POPDC2: variants seen among roughly 807,000 people sequenced by gnomAD.
The protein encoded by POPDC2 is popeye domain cAMP effector 2, also known as popeye domain-containing protein 2.
Under a neutral mutation model 30.5 loss-of-function variants are expected in POPDC2, and 24 were observed. The observed-to-expected ratio is 0.79, with a 90% CI of 0.57 to 1.11. POPDC2 has a LOEUF of 1.11. Ranked by LOEUF, POPDC2 falls within the 50% of genes least tolerant of loss-of-function variation. POPDC2 has a pLI of 0.00. For missense variants in POPDC2, 409 were observed against 447.0 expected, an observed-to-expected ratio of 0.91 and a Z score of 0.77; for synonymous variants, 185 against 183.3, an observed-to-expected ratio of 1.01 and a Z score of -0.07.
At position 119,654,509 on chromosome 3, in the gene POPDC2, A is replaced by G. The variant is rs780857847; in HGVS notation, c.596T>C (p.Phe199Ser). ...TGCCACCAGGCTCCCTGTTACCTGG[A>G]ACACCCCCTCCTCAGAAGGCTGTAG... ...ESLQPSEEGV[F>S]QVTLTAETSC... is the part of the protein sequence containing the mutation. The change falls in exon 2 of 4, where the codon TTC (phenylalanine) becomes TCC (serine). Residue 199 changes from phenylalanine (F) to serine (S), a missense_variant. Physicochemically the swap from Phe to Ser is radical, Grantham distance 155. Coordinates refer to ENST00000493094, the MANE Select transcript of POPDC2 (RefSeq NM_001369919.2). 6 of 1,609,438 alleles carry G rather than the reference A, an allele frequency of 3.7e-6. No homozygotes were observed. The African/African-American group carries it at 8.0e-5, about 22-fold the overall frequency.
chr3:119,651,651 C>T (rs928713500), intron 2 of POPDC2, among the ~76,000 whole-genome samples: 3 of 151,986 alleles, frequency 2.0e-5, no homozygotes, highest in Admixed American at 6.6e-5. Context: ...CCACCGCCCC[C>T]CTGAGACGAA....
chr3:119,659,836 C>T (rs545387250), intron 1 of POPDC2, 97 bp downstream of exon 1: 20 of 1,413,348 alleles, frequency 1.4e-5, no homozygotes, highest in East Asian at 4.6e-5. Context: ...GAAGGGGACA[C>T]GAAATGGAAA....
In POPDC2 at chr3:119,648,952, A is replaced by C. The variant is rs187237282; in HGVS notation, c.601-284T>G. ...TCCACATCCACTTTCCTCAACTGTA[A>C]TTCTGTGGTTCCGTGGCTAATGCCA... On this transcript the variant is annotated intron_variant, in intron 2 of 3. Coordinates refer to ENST00000493094, the MANE Select transcript of POPDC2 (RefSeq NM_001369919.2). 1.5e-3 allele frequency among the ~76,000 whole-genome samples: 224 copies of C among 152,272 alleles called. 1 individual carries two copies. The highest frequency in any genetic ancestry group is 5.1e-3 in the African/African-American group (213 of 41,568).
At chr3:119,643,499 C>G (rs1478244030) in intron 3 of POPDC2, 2 of 1,195,200 alleles carry the variant, frequency 1.7e-6, no homozygotes, top group Admixed American at 4.0e-5. Context: ...AACAATTGTA[C>G]ATACAACAGA....
intron 2 of POPDC2, 21 bp downstream of exon 2, chr3:119,654,484 T>C (rs1347162574): frequency 6.5e-7 from 1 of 1,537,682 alleles, no homozygotes; most frequent in African/African-American, 1.4e-5. Context: ...GAGGCGGTGC[T>C]GCCACCAGGC....
At chr3:119,660,654 CT>C (rs2052933168), upstream of POPDC2, 35 of 173,374 alleles carry the variant, frequency 2.0e-4, no homozygotes, top group Admixed American at 6.0e-4. Flanking sequence ...CTCTCCCCCT[CT>C]CCCCCCCTCT....
Position 119,660,125 on chromosome 3 carries a change from C to T in POPDC2, c.299G>A (p.Arg100His), listed in dbSNP as rs146525523. Residue 100 changes from arginine (R) to histidine (H), a missense_variant, in exon 1 of 4, where the codon CGT becomes CAT. Coordinates refer to ENST00000493094, the MANE Select transcript of POPDC2 (RefSeq NM_001369919.2). ...LQLAHLVYRL[R>H]EDTLPEEFDL... The stretch of plus-strand genomic sequence containing the variant: ...AAACTCCTCAGGGAGGGTGTCCTCA[C>T]GCAGGCGGTATACCAGGTGTGCCAG... The T allele has an allele frequency of 2.2e-5, 35 of 1,614,082 alleles. No individual in the cohort carries two copies. Among genetic ancestry groups the T allele is most frequent in the Middle Eastern group, 3.3e-4 (2 of 6,084 alleles).
chr3:119,643,793 A>C (rs2052715865), intron 3 of POPDC2, among the ~76,000 whole-genome samples: 1 of 152,144 alleles, frequency 6.6e-6, no homozygotes, highest in African/African-American at 2.4e-5. Flanking sequence ...GAGATTTCTT[A>C]TGGCCCCTGC....
chr3:119,655,124 C>T (rs113190763), intron 1 of POPDC2, among the ~76,000 whole-genome samples: 14,256 of 151,986 alleles, frequency 0.094, 743 homozygotes, highest in Non-Finnish European at 0.12. Flanking sequence ...GTCAGGAGTT[C>T]GAGACCAGCC....
chr3:119,644,719 T>C (rs4688021), intron 3 of POPDC2, among the ~76,000 whole-genome samples: 36,475 of 152,108 alleles, frequency 0.24, 4,648 homozygotes, highest in Admixed American at 0.31. Flanking sequence ...GCCTCTCATA[T>C]AAGTGCTGTG....
chr3:119,649,905 A>T (rs1301071773), intron 2 of POPDC2, among the ~76,000 whole-genome samples: 1 of 152,122 alleles, frequency 6.6e-6, no homozygotes, highest in Non-Finnish European at 1.5e-5. Flanking sequence ...TAGCACTGCA[A>T]TCAGGACCTA....
chr3:119,660,131 C>T lies in POPDC2; in HGVS notation c.293G>A (p.Arg98His), dbSNP rs145472886. The T allele has an allele frequency of 1.2e-4, 198 of 1,614,162 alleles. No individual in the cohort carries two copies. Among genetic ancestry groups the T allele is most frequent in the African/African-American group, 7.1e-4 (53 of 75,028 alleles). The change falls in exon 1 of 4, where the codon CGC becomes CAC. Residue 98 changes from arginine to histidine, a missense_variant. Physicochemically the swap from Arg to His is conservative, Grantham distance 29. Coordinates refer to ENST00000493094, the MANE Select transcript of POPDC2 (RefSeq NM_001369919.2). ...CTCAGGGAGGGTGTCCTCACGCAGG[C>T]GGTATACCAGGTGTGCCAGCTGGAG... is the stretch of plus-strand genomic sequence containing the variant. ...CLLQLAHLVY[R>H]LREDTLPEEF... is the part of the protein sequence containing the mutation.
intron 3 of POPDC2, among the ~76,000 whole-genome samples, chr3:119,642,921 CTT>C (rs1199960393): frequency 1.3e-5 from 2 of 152,178 alleles, no homozygotes; most frequent in Non-Finnish European, 2.9e-5. Context: ...AGACTCCTGA[CTT>C]TCATTTTTAC....
intron 1 of POPDC2, among the ~76,000 whole-genome samples, chr3:119,658,749 A>G (rs1426940281): frequency 5.3e-5 from 8 of 152,210 alleles, no homozygotes. Flanking sequence ...CACTCTATCC[A>G]GGACCTCTGA....
At chr3:119,643,468 A>G (rs540078128) in intron 3 of POPDC2, 1 of 1,425,296 alleles carries the variant, frequency 7.0e-7, no homozygotes, top group Admixed American at 2.0e-5. Flanking sequence ...AGAAAGAGAA[A>G]GAAAGAGAGA....
chr3:119,654,428 G>T, intron 2 of POPDC2, 77 bp downstream of exon 2: 1 of 985,842 alleles, frequency 1.0e-6, no homozygotes. Flanking sequence ...ATGTAAGAGG[G>T]GAAACATGGA....
chr3:119,643,736 T>G (rs2052715312), intron 3 of POPDC2, among the ~76,000 whole-genome samples: 1 of 152,106 alleles, frequency 6.6e-6, no homozygotes, highest in Non-Finnish European at 1.5e-5. Flanking sequence ...GACACAATAA[T>G]CCAAGGCATC....
chr3:119,659,451 AC>A (rs2052915326), intron 1 of POPDC2, among the ~76,000 whole-genome samples: 1 of 152,146 alleles, frequency 6.6e-6, no homozygotes. Context: ...TATGAGAACC[AC>A]CCCGCTATCC....
At chr3:119,643,802 G>A (rs2052716031) in intron 3 of POPDC2, among the ~76,000 whole-genome samples, 1 of 152,074 alleles carries the variant, frequency 6.6e-6, no homozygotes, top group African/African-American at 2.4e-5. Flanking sequence ...TATGGCCCCT[G>A]CTTGAACTCT....
Sources: gnomAD v4.1 joint callset for allele counts (sites outside exome capture counted in the v4.1 genomes callset) on GRCh38, gnomAD v4.1.1 for gene constraint, MANE v1.5 for transcripts, NCBI Gene and HGNC (gene_info 2026-07-23, HGNC 2026-07-21) for gene names.